The following NDUFS7 variants were observed in gnomAD, a reference collection of about 807,000 sequenced individuals.
NDUFS7 encodes NADH:ubiquinone oxidoreductase core subunit S7.
NDUFS7 carries 11 observed loss-of-function variants against 31.1 expected under a neutral mutation model. The observed-to-expected ratio is 0.35, with a 90% CI of 0.22 to 0.59. NDUFS7 has a LOEUF of 0.59. Ranked by LOEUF, NDUFS7 falls within the 20% of genes least tolerant of loss-of-function variation. NDUFS7 has a pLI of 0.79. For synonymous variants in NDUFS7, 136 were observed against 127.9 expected (o/e 1.06, Z -0.43); for missense variants, 263 against 324.2 (o/e 0.81, Z 1.45).
chr19:1,391,061 T>A lies in NDUFS7; in HGVS notation c.408+11T>A. On this transcript the variant is annotated intron_variant, in intron 5 of 7. Coordinates refer to ENST00000233627, the MANE Select transcript of NDUFS7 (RefSeq NM_024407.5). ...CCAGCGCTTCGCAAGGTAGGCCTCGTCCCAGCCGCCCAGCCGCCCCCAGAG... is the reference window on the plus strand; with the variant it reads ...CCAGCGCTTCGCAAGGTAGGCCTCGACCCAGCCGCCCAGCCGCCCCCAGAG... 6.2e-7 allele frequency: 1 copy of A among 1,612,676 alleles called. No individual in the cohort carries two copies. Among genetic ancestry groups the A allele is most frequent in the Non-Finnish European group, 8.5e-7 (1 of 1,179,640 alleles).
At chr19:1,389,124 T>C in intron 4 of NDUFS7, 186 bp downstream of exon 4, 1 of 707,072 alleles carries the variant, frequency 1.4e-6, no homozygotes, top group Non-Finnish European at 2.6e-6. Flanking sequence ...ACACGCACAC[T>C]CACGCACACA....
At chr19:1,391,686 C>G (rs1361258580) in intron 6 of NDUFS7, among the ~76,000 whole-genome samples, 3 of 151,572 alleles carry the variant, frequency 2.0e-5, no homozygotes, top group South Asian at 2.1e-4. Context: ...GGGGTTTTAC[C>G]ATGTTGGCCA....
chr19:1,390,914 T>C lies in NDUFS7; in HGVS notation c.272T>C (p.Val91Ala), dbSNP rs775028828. 10 of 1,611,764 alleles carry C rather than the reference T, an allele frequency of 6.2e-6. No homozygotes were observed. Among genetic ancestry groups the C allele is most frequent in the Non-Finnish European group, 8.5e-6 (10 of 1,179,814 alleles). The change falls in exon 5 of 8, where the codon GTG becomes GCG. Residue 91 changes from valine to alanine, a missense_variant. Val to Ala is a moderately conservative substitution (Grantham distance 64). Coordinates refer to ENST00000233627, the MANE Select transcript of NDUFS7 (RefSeq NM_024407.5). ...PMTFGLACCA[V>A]EMMHMAAPRY... ...ACCTTCGGCCTGGCCTGCTGCGCCG[T>C]GGAGATGATGCACATGGCAGCACCC...
In NDUFS7 at chr19:1,393,514, GTAT is replaced by G; in HGVS notation, c.544+186_544+188del. 1 of 692,040 alleles carries G rather than the reference GTAT, an allele frequency of 1.4e-6. No individual in the cohort carries two copies. Among genetic ancestry groups the G allele is most frequent in the East Asian group, 2.7e-5 (1 of 37,002 alleles). 42.9% of individuals were successfully genotyped at this position (692,040 alleles called of 1,614,324 possible). A position where few individuals can be genotyped will look rare whatever the true frequency, so the allele number is the denominator to read the frequency against. ...CTGTCCCCTGTGAGAAGTCGGCGAT[GTAT>G]TCAGGCATCAGAGGGATCAGAGGGA... On this transcript the variant is annotated intron_variant, in intron 7 of 7. Coordinates refer to ENST00000233627, the MANE Select transcript of NDUFS7 (RefSeq NM_024407.5). This position sits in a 1 kb window ranked among gnomAD's most constrained non-coding sequence, Gnocchi z 7.3.
intron 1 of NDUFS7, chr19:1,387,245 A>G: frequency 5.9e-6 from 1 of 169,798 alleles, no homozygotes; most frequent in Admixed American, 5.5e-5. Flanking sequence ...CACGCTTGTC[A>G]GGCACAGCTG....
chr19:1,388,479 G>A (rs1427557519), intron 2 of NDUFS7, 46 bp from the exon 3 acceptor site: 11 of 1,572,476 alleles, frequency 7.0e-6, no homozygotes, highest in East Asian at 2.2e-5. Flanking sequence ...TGGGGGAGCT[G>A]GAGGGGCCTG....
chr19:1,387,579 C>T (rs1412791022), intron 1 of NDUFS7, among the ~76,000 whole-genome samples: 1 of 152,042 alleles, frequency 6.6e-6, no homozygotes, highest in Admixed American at 6.5e-5. Context: ...ATCGCCAGGG[C>T]GGGGAGACGG....
rs1029591568 is a variant in NDUFS7, at chr19:1,388,861, G to A, written c.151G>A (p.Ala51Thr). The A allele has an allele frequency of 6.2e-7, 1 of 1,606,762 alleles. No homozygotes were observed. The highest frequency in any genetic ancestry group is 8.5e-7 in the Non-Finnish European group (1 of 1,177,180). ...STQPALPKAR[A>T]VAPKPSSRGE... is the part of the protein sequence containing the mutation. ...CCAGCCTGCCCTGCCAAAGGCCAGA[G>A]CCGTGGCTCCCAAACCCAGCAGCCG... is the stretch of plus-strand genomic sequence containing the variant. Residue 51 changes from alanine (A) to threonine (T), a missense_variant, in exon 4 of 8, where the codon GCC becomes ACC. Physicochemically the swap from Ala to Thr is moderately conservative, Grantham distance 58. Transcript: ENST00000233627.
rs7254913 is a variant in NDUFS7, at chr19:1,388,321, G to A, written c.54-204G>A. On this transcript the variant is annotated intron_variant, in intron 2 of 7. Transcript: ENST00000233627. ...ACCTGCTGGGTACGTCACAAAAGAA[G>A]TTCCATTCAAGTCTGGGCCATCATT... 399,539 of 621,818 alleles carry A rather than the reference G, an allele frequency of 0.64. 129,218 individuals carry two copies. The highest frequency in any genetic ancestry group is 0.71 in the South Asian group (38,622 of 54,472). 38.5% of individuals were successfully genotyped at this position (621,818 alleles called of 1,614,324 possible).
chr19:1,389,513 A>C, intron 4 of NDUFS7: 1 of 457,240 alleles, frequency 2.2e-6, no homozygotes, highest in Non-Finnish European at 4.4e-6. Context: ...CCTGCTGGAG[A>C]TGACCCCTCC....
intron 1 of NDUFS7, among the ~76,000 whole-genome samples, chr19:1,385,870 A>G (rs2082504433): frequency 6.6e-6 from 1 of 152,154 alleles, no homozygotes; most frequent in Admixed American, 6.5e-5. Flanking sequence ...ACAGAATCCC[A>G]TCACCTCAGA....
Position 1,393,309 on chromosome 19 carries a change from C to T in NDUFS7, c.523C>T (p.Pro175Ser), listed in dbSNP as rs868733033. 2 of 1,585,722 alleles carry T rather than the reference C, an allele frequency of 1.3e-6. No individual in the cohort carries two copies. The highest frequency in any genetic ancestry group is 1.3e-5 in the African/African-American group (1 of 74,512). Residue 175 changes from proline (P) to serine (S), a missense_variant, in exon 7 of 8, where the codon CCC becomes TCC. By Grantham distance (74) the Pro-to-Ser change is moderately conservative (BLOSUM62 -1). Coordinates refer to ENST00000233627, the MANE Select transcript of NDUFS7 (RefSeq NM_024407.5). The surrounding 1 kb of genome is among the most constrained non-coding windows in gnomAD (Gnocchi z 7.3). ...SVVRGCDRIVPVDIYIPGCPP... is the reference protein window; with the variant it reads ...SVVRGCDRIVSVDIYIPGCPP... ...GGTGAGGGGCTGCGACCGCATCGTG[C>T]CCGTGGACATCTACATCCCAGGTAG...
chr19:1,389,187 A>C, intron 4 of NDUFS7: 1 of 690,598 alleles, frequency 1.4e-6, no homozygotes, highest in East Asian at 2.7e-5. Context: ...ATGCACACAC[A>C]AGCACATGTG....
Position 1,388,934 on chromosome 19 carries a change from G to T in NDUFS7, c.224G>T (p.Arg75Leu). 1 of 1,604,070 alleles carries T rather than the reference G, an allele frequency of 6.2e-7. No homozygotes were observed. The highest frequency in any genetic ancestry group is 1.3e-5 in the African/African-American group (1 of 74,948). The change falls in exon 4 of 8, where the codon CGC becomes CTC. Residue 75 changes from arginine (R) to leucine (L), a missense_variant. Arg to Leu is a moderately radical substitution (Grantham distance 102). Coordinates refer to ENST00000233627, the MANE Select transcript of NDUFS7 (RefSeq NM_024407.5). ...AKLDDLVNWA[R>L]RSSLWPMTFG... ...CTGGATGACCTCGTCAACTGGGCCC[G>T]CCGGGTGAGTACTATGAGCTGTAGG...
Position 1,388,905 on chromosome 19 carries a change from C to A in NDUFS7, c.195C>A (p.Ala65=). Reference sequence around the variant, plus strand: ...GCAGCCGGGGCGAGTATGTGGTGGCCAAGCTGGATGACCTCGTCAACTGGG... The same window carrying A: ...GCAGCCGGGGCGAGTATGTGGTGGCAAAGCTGGATGACCTCGTCAACTGGG... The part of the protein sequence containing the change: ...KPSSRGEYVV[A]KLDDLVNWAR... The change falls in exon 4 of 8, where the codon GCC becomes GCA. Residue 65 remains alanine, a synonymous_variant. Transcript: ENST00000233627. The A allele has an allele frequency of 6.2e-7, 1 of 1,610,158 alleles. No homozygotes were observed.
chr19:1,389,220 C>T (rs1345577617), intron 4 of NDUFS7: 7 of 674,246 alleles, frequency 1.0e-5, no homozygotes, highest in Non-Finnish European at 1.6e-5. Context: ...CACACATACA[C>T]ACATGCACAC....
intron 4 of NDUFS7, 112 bp from the exon 5 acceptor site, chr19:1,390,759 C>T (rs974188935): frequency 3.8e-5 from 50 of 1,313,226 alleles, no homozygotes; most frequent in African/African-American, 5.8e-5. Context: ...TCACCTCTGC[C>T]GGCTGCCGCC....
Position 1,393,525 on chromosome 19 carries a change from T to C in NDUFS7, c.544+195T>C. Reference sequence around the variant, plus strand: ...GAGAAGTCGGCGATGTATTCAGGCATCAGAGGGATCAGAGGGAGCAGGGGA... The same window carrying C: ...GAGAAGTCGGCGATGTATTCAGGCACCAGAGGGATCAGAGGGAGCAGGGGA... On this transcript the variant is annotated intron_variant, in intron 7 of 7. Coordinates refer to ENST00000233627, the MANE Select transcript of NDUFS7 (RefSeq NM_024407.5). The surrounding 1 kb of genome is among the most constrained non-coding windows in gnomAD (Gnocchi z 7.3). The C allele has an allele frequency of 1.5e-6, 1 of 676,658 alleles. No individual in the cohort carries two copies. 41.9% of individuals were successfully genotyped at this position (676,658 alleles called of 1,614,324 possible). A position where few individuals can be genotyped will look rare whatever the true frequency, so the allele number is the denominator to read the frequency against.
chr19:1,390,307 T>C, intron 4 of NDUFS7: 1 of 173,368 alleles, frequency 5.8e-6, no homozygotes, highest in Non-Finnish European at 1.2e-5. Flanking sequence ...CGGGCAGCCC[T>C]GCCTCACTCT....
Sources: allele counts gnomAD v4.1 joint callset (sites outside exome capture counted in the v4.1 genomes callset), GRCh38; gene constraint gnomAD v4.1.1; non-coding constraint Gnocchi (gnomAD v3.1); transcripts MANE v1.5; gene names NCBI Gene and HGNC (gene_info 2026-07-23, HGNC 2026-07-21).